The following SUSD1 variants were observed in gnomAD, a reference collection of about 807,000 sequenced individuals.
SUSD1 encodes sushi domain containing 1, also known as sushi domain-containing protein 1.
Under a neutral mutation model 86.9 loss-of-function variants are expected in SUSD1, and 65 were observed. That is an observed-to-expected ratio of 0.75 (90% CI 0.61 to 0.92). The LOEUF (loss-of-function observed/expected upper bound fraction) is 0.92. SUSD1 is among the 40% of genes least tolerant of loss of function. The pLI, the probability that SUSD1 is intolerant of heterozygous loss-of-function variation, is 0.00. For synonymous variants in SUSD1, 346 were observed against 350.0 expected (o/e 0.99, Z 0.13); for missense variants, 850 against 929.7 (o/e 0.91, Z 1.11).
rs73538283 is a variant in SUSD1 at position 112,157,766 on chromosome 9, T to C, written c.104-153A>G. Among the ~76,000 whole-genome samples, 979 of 152,172 alleles carry C rather than the reference T, an allele frequency of 6.4e-3. 8 individuals carry two copies. The highest frequency in any genetic ancestry group is 0.023 in the African/African-American group (938 of 41,538). On this transcript the variant is annotated intron_variant, in intron 1 of 16. Transcript: ENST00000374270. ...CTTAAAAACCTTCAGTGGCTGTTTA[T>C]TTCTCACAGAATAAAGTGCAAATCT...
intron 8 of SUSD1, among the ~76,000 whole-genome samples, chr9:112,110,374 A>G (rs537655210): frequency 1.3e-5 from 2 of 152,006 alleles, no homozygotes; most frequent in South Asian, 2.1e-4. Flanking sequence ...GACATCAATT[A>G]CTTGTCAAGG....
In SUSD1 at chr9:112,112,623, G is replaced by A. The variant is rs1831149920; in HGVS notation, c.984+148C>T. On this transcript the variant is annotated intron_variant, in intron 7 of 16. Transcript: ENST00000374270. The stretch of plus-strand genomic sequence containing the variant: ...TGCACTCCAGCCTGGGCAACAGAGT[G>A]AGACTGTCTCACAAAAAAAATAAAA... 2 of 541,534 alleles carry A rather than the reference G, an allele frequency of 3.7e-6. 1 individual carries two copies. Among genetic ancestry groups the A allele is most frequent in the South Asian group, 4.1e-5 (2 of 48,578 alleles). The allele number at this position is 541,534 out of a possible 1,614,324, so 33.5% of individuals were successfully genotyped here.
intron 6 of SUSD1, among the ~76,000 whole-genome samples, chr9:112,119,196 G>C (rs561102533): frequency 6.6e-6 from 1 of 152,168 alleles, no homozygotes; most frequent in Admixed American, 6.5e-5. Context: ...AAATGAAATC[G>C]AGCATTAAGG....
chr9:112,055,244 G>A (rs10981237), intron 14 of SUSD1, among the ~76,000 whole-genome samples: 11,948 of 152,132 alleles, frequency 0.079, 756 homozygotes, highest in East Asian at 0.25. Context: ...TGGGAAACAT[G>A]GCAAAATCCT....
intron 5 of SUSD1, among the ~76,000 whole-genome samples, chr9:112,127,733 G>A (rs1831839655): frequency 1.3e-5 from 2 of 152,216 alleles, no homozygotes; most frequent in Non-Finnish European, 2.9e-5. Context: ...ACACATAACT[G>A]TGATTGTGGC....
At chr9:112,157,723 GAC>G (rs1385980546) in intron 1 of SUSD1, 110 bp from the exon 2 acceptor site, 4 of 717,050 alleles carry the variant, frequency 5.6e-6, no homozygotes, top group Non-Finnish European at 9.6e-6. Context: ...AATAACACAG[GAC>G]ACACCTAGTC....
rs532661408 is a variant in SUSD1 at position 112,149,101 on chromosome 9, A to G, written c.373+143T>C. ...AGATACCTCAGCATGCATCTCCCAA[A>G]ATAAGAATATTATCCTATATACCAC... On this transcript the variant is annotated intron_variant, in intron 3 of 16. Coordinates refer to ENST00000374270, the MANE Select transcript of SUSD1 (RefSeq NM_022486.5). 2.5e-6 allele frequency: 3 copies of G among 1,208,812 alleles called. No individual in the cohort carries two copies. In the South Asian group the frequency reaches 4.5e-5, roughly 18 times the overall value. 74.9% of individuals were successfully genotyped at this position (1,208,812 alleles called of 1,614,324 possible). A position where few individuals can be genotyped will look rare whatever the true frequency, so the allele number is the denominator to read the frequency against.
chr9:112,064,714 A>G (rs1828896173), intron 12 of SUSD1, among the ~76,000 whole-genome samples: 1 of 152,088 alleles, frequency 6.6e-6, no homozygotes, highest in South Asian at 2.1e-4. Context: ...TGTCTCTACT[A>G]AAGATGCAAA....
chr9:112,098,975 C>G (rs1830511137), intron 9 of SUSD1, among the ~76,000 whole-genome samples: 1 of 151,658 alleles, frequency 6.6e-6, no homozygotes. Flanking sequence ...AGCTAATGGG[C>G]AAAATTATTT....
chr9:112,070,187 G>GTAGAGA (rs1829201508), intron 12 of SUSD1, among the ~76,000 whole-genome samples: 1 of 152,016 alleles, frequency 6.6e-6, no homozygotes, highest in Admixed American at 6.6e-5. Context: ...TGTATTTTTA[G>GTAGAGA]TAGAGACGGG....
chr9:112,045,373 G>T (rs768303275), intron 15 of SUSD1, among the ~76,000 whole-genome samples: 7 of 152,126 alleles, frequency 4.6e-5, no homozygotes, highest in Non-Finnish European at 8.8e-5. Flanking sequence ...TCCATATCAT[G>T]CATATTCTTG....
At chr9:112,058,177 A>C (rs1410092760) in intron 14 of SUSD1, among the ~76,000 whole-genome samples, 1 of 143,616 alleles carries the variant, frequency 7.0e-6, no homozygotes, top group Non-Finnish European at 1.5e-5. Flanking sequence ...GGCATCTGTA[A>C]AGCTTAAGAG....
chr9:112,124,228 G>C (rs1205060249), intron 6 of SUSD1, 29 bp downstream of exon 6: 1 of 1,583,966 alleles, frequency 6.3e-7, no homozygotes, highest in South Asian at 1.1e-5. Context: ...TTGTTCCTGG[G>C]TAGCAGGAGC....
rs769104119 is a variant in SUSD1, at chr9:112,041,932, C to T, written c.2178G>A (p.Ala726=). ...KDSSLMLLQM[A]GVGLGSLAVV... ...CAGCCAGGGAACCCAGTCCAACACC[C>T]GCCATCTGCAGCAGCATGAGTGACG... is the stretch of plus-strand genomic sequence containing the variant. Residue 726 remains alanine, a synonymous_variant, in exon 16 of 17, where the codon GCG becomes GCA. Coordinates refer to ENST00000374270, the MANE Select transcript of SUSD1 (RefSeq NM_022486.5). 1.2e-5 allele frequency: 20 copies of T among 1,613,932 alleles called. No homozygotes were observed. Among genetic ancestry groups the T allele is most frequent in the African/African-American group, 2.7e-5 (2 of 74,938 alleles).
At chr9:112,049,267 G>A (rs187943799) in intron 15 of SUSD1, among the ~76,000 whole-genome samples, 5 of 152,298 alleles carry the variant, frequency 3.3e-5, no homozygotes, top group South Asian at 2.1e-4. Flanking sequence ...TCATGCTTAC[G>A]ACTGGAGAAT....
intron 5 of SUSD1, among the ~76,000 whole-genome samples, chr9:112,128,714 C>A (rs1037256683): frequency 2.0e-5 from 3 of 152,022 alleles, no homozygotes; most frequent in Non-Finnish European, 4.4e-5. Flanking sequence ...ACATTAAGAC[C>A]TGAAGGATGG....
In SUSD1 at chr9:112,157,628, G is replaced by C. The variant is rs774721489; in HGVS notation, c.104-15C>G. 7.5e-6 allele frequency: 12 copies of C among 1,595,422 alleles called. No homozygotes were observed. Among genetic ancestry groups the C allele is most frequent in the Admixed American group, 1.7e-5 (1 of 59,170 alleles). On this transcript the variant is annotated splice_polypyrimidine_tract_variant and intron_variant, in intron 1 of 16. Transcript: ENST00000374270. ...GACGTCTAAACCTGAATCATAAATT[G>C]TATGTTTCAGAAAAAGAAAAATGCA...
chr9:112,081,448 G>A (rs954962003), intron 10 of SUSD1, among the ~76,000 whole-genome samples: 2 of 152,222 alleles, frequency 1.3e-5, no homozygotes, highest in East Asian at 1.9e-4. Context: ...TGAACAGGTG[G>A]TAAGGAACAG....
At chr9:112,107,364 G>A (rs1290795957) in intron 8 of SUSD1, among the ~76,000 whole-genome samples, 2 of 151,532 alleles carry the variant, frequency 1.3e-5, no homozygotes, top group Admixed American at 6.6e-5. Flanking sequence ...CACAAGAATC[G>A]CTTAAAACCG....
Sources: allele counts gnomAD v4.1 joint callset (sites outside exome capture counted in the v4.1 genomes callset), GRCh38; gene constraint gnomAD v4.1.1; transcripts MANE v1.5; gene names NCBI Gene and HGNC (gene_info 2026-07-23, HGNC 2026-07-21).